The following MED13L variants were observed in gnomAD, a reference collection of about 807,000 sequenced individuals.
The protein encoded by MED13L is mediator of RNA polymerase II transcription subunit 13-like.
Under a neutral mutation model 220.9 loss-of-function variants are expected in MED13L, and 7 were observed. The ratio of observed to expected loss-of-function variants is 0.03; its 90% CI spans 0.02 to 0.06. The LOEUF (loss-of-function observed/expected upper bound fraction) is 0.06. Among genes scored for constraint, MED13L ranks in the 10% least tolerant of loss-of-function variants. The pLI, the probability that MED13L is intolerant of heterozygous loss-of-function variation, is 1.00. For synonymous variants in MED13L, 1,011 were observed against 1,015.2 expected, an observed-to-expected ratio of 1.00 and a Z score of 0.08; for missense variants, 1,965 against 2,760.5, an observed-to-expected ratio of 0.71 and a Z score of 6.46.
intron 2 of MED13L, among the ~76,000 whole-genome samples, chr12:116,230,927 A>G (rs1869496897): frequency 6.6e-6 from 1 of 152,222 alleles, no homozygotes; most frequent in African/African-American, 2.4e-5. Context: ...ATGATTTTGG[A>G]AAATTCAATG....
At chr12:115,995,888 G>C (rs1467523567) in intron 16 of MED13L, among the ~76,000 whole-genome samples, 1 of 152,160 alleles carries the variant, frequency 6.6e-6, no homozygotes, top group African/African-American at 2.4e-5. Flanking sequence ...TCAAAGTACA[G>C]CATGTCCTGA....
chr12:115,980,719 T>C (rs1355841773), intron 23 of MED13L, 31 bp downstream of exon 23: 1 of 1,610,998 alleles, frequency 6.2e-7, no homozygotes, highest in African/African-American at 1.3e-5. Flanking sequence ...TTAGTATAAA[T>C]TTTCTAAGTT....
intron 2 of MED13L, among the ~76,000 whole-genome samples, chr12:116,131,485 T>C (rs1303112130): frequency 6.6e-6 from 1 of 152,174 alleles, no homozygotes; most frequent in Non-Finnish European, 1.5e-5. Flanking sequence ...GTACAAATGA[T>C]ACTAAAGGTA....
Position 116,008,775 on chromosome 12 carries a change from A to G in MED13L, c.1638T>C (p.Asp546=). Residue 546 remains aspartate (D), a synonymous_variant, in exon 10 of 31, where the codon GAT becomes GAC. Transcript: ENST00000281928. The stretch of plus-strand genomic sequence containing the variant: ...GAGGGGATATAGGGGAATGAGGTGA[A>G]TCCATAGGATTCAGATTCATTTGCT... The part of the protein sequence containing the change: ...TSKQMNLNPM[D]SPHSPISPLP... 1.9e-6 allele frequency: 3 copies of G among 1,613,974 alleles called. No homozygotes were observed. Among genetic ancestry groups the G allele is most frequent in the Non-Finnish European group, 2.5e-6 (3 of 1,179,976 alleles).
At chr12:116,183,608 C>G (rs1316733985) in intron 2 of MED13L, among the ~76,000 whole-genome samples, 1 of 152,092 alleles carries the variant, frequency 6.6e-6, no homozygotes, top group Non-Finnish European at 1.5e-5. Flanking sequence ...AACTTTGTAT[C>G]ACAAGCAAAA....
chr12:116,035,944 T>C (rs985482778), intron 4 of MED13L, among the ~76,000 whole-genome samples: 3 of 152,208 alleles, frequency 2.0e-5, no homozygotes, highest in Non-Finnish European at 2.9e-5. Flanking sequence ...TCTCTCACTA[T>C]TTTAATTTAT....
intron 4 of MED13L, among the ~76,000 whole-genome samples, chr12:116,084,256 T>G (rs1272912448): frequency 6.6e-6 from 1 of 152,202 alleles, no homozygotes; most frequent in Non-Finnish European, 1.5e-5. Flanking sequence ...TAACTTACCT[T>G]TTTGAACCTA....
In MED13L at chr12:116,277,496, C is replaced by CCGGAGCCGCCGCCGCCGCCT. The variant is rs1257504871; in HGVS notation, c.-385_-366dup. Among the ~76,000 whole-genome samples, 5 of 148,810 alleles carry CCGGAGCCGCCGCCGCCGCCT rather than the reference C, an allele frequency of 3.4e-5. 1 individual carries two copies. The highest frequency in any genetic ancestry group is 4.2e-4 in the South Asian group (2 of 4,784). On this transcript the variant is annotated 5_prime_UTR_variant, in exon 1 of 31. Transcript: ENST00000281928. ...GCCGGCGCGCGAGGGGAGGCGAGCC[C>CCGGAGCCGCCGCCGCCGCCT]CGGAGCCGCCGCCGCCGCCTCGGAG... is the stretch of plus-strand genomic sequence containing the variant.
At chr12:116,126,078 G>A (rs1394811597) in intron 2 of MED13L, among the ~76,000 whole-genome samples, 1 of 152,144 alleles carries the variant, frequency 6.6e-6, no homozygotes, top group East Asian at 1.9e-4. Flanking sequence ...AGGAAAAGTT[G>A]TCATTATCCA....
chr12:115,961,552 C>G (rs1174688345), intron 30 of MED13L, 154 bp from the exon 31 acceptor site: 2 of 1,068,230 alleles, frequency 1.9e-6, no homozygotes, highest in Non-Finnish European at 2.8e-6. Flanking sequence ...GTCTCATGTT[C>G]CTCCTTCCTT....
intron 4 of MED13L, among the ~76,000 whole-genome samples, chr12:116,084,182 GCAC>G (rs1434570428): frequency 1.3e-5 from 2 of 152,144 alleles, no homozygotes; most frequent in African/African-American, 4.8e-5. Flanking sequence ...GGTATTTTTA[GCAC>G]CACGTGTTTC....
At chr12:116,106,894 T>A (rs1190009828) in intron 3 of MED13L, among the ~76,000 whole-genome samples, 1 of 151,474 alleles carries the variant, frequency 6.6e-6, no homozygotes, top group Non-Finnish European at 1.5e-5. Context: ...AGGGATTCCA[T>A]GATTAGCTGG....
intron 1 of MED13L, among the ~76,000 whole-genome samples, chr12:116,239,539 T>C (rs1278463368): frequency 6.6e-6 from 1 of 152,270 alleles, no homozygotes; most frequent in Non-Finnish European, 1.5e-5. Flanking sequence ...AATCTTTGCA[T>C]AATATTCTAT....
chr12:116,116,898 C>T (rs1163327391), intron 2 of MED13L, among the ~76,000 whole-genome samples: 1 of 149,982 alleles, frequency 6.7e-6, no homozygotes, highest in Non-Finnish European at 1.5e-5. Flanking sequence ...TCCCTAGAAC[C>T]TTACATCCTT....
chr12:116,241,162 CG>C (rs1481779128), intron 1 of MED13L, among the ~76,000 whole-genome samples: 1 of 151,342 alleles, frequency 6.6e-6, no homozygotes, highest in East Asian at 2.0e-4. Flanking sequence ...CAAAAATTAG[CG>C]GGGCGTGGTG....
At chr12:116,056,368 C>T (rs751283747) in intron 4 of MED13L, among the ~76,000 whole-genome samples, 14 of 151,934 alleles carry the variant, frequency 9.2e-5, no homozygotes, top group Non-Finnish European at 1.6e-4. Flanking sequence ...GCCTCAACCT[C>T]CTGGGCTCAG....
intron 1 of MED13L, among the ~76,000 whole-genome samples, chr12:116,244,861 C>T (rs1870968210): frequency 6.6e-6 from 1 of 152,204 alleles, no homozygotes; most frequent in Middle Eastern, 3.4e-3. Flanking sequence ...CTAAAGTGAG[C>T]GGGTCTCTTG....
intron 11 of MED13L, chr12:116,007,107 A>G (rs1879096283): frequency 2.5e-6 from 1 of 393,754 alleles, no homozygotes; most frequent in Non-Finnish European, 4.7e-6. Context: ...TAATATTTTA[A>G]AAGAAATAGG....
chr12:116,035,465 T>C (rs990460319), intron 4 of MED13L, among the ~76,000 whole-genome samples: 1 of 152,190 alleles, frequency 6.6e-6, no homozygotes, highest in African/African-American at 2.4e-5. Flanking sequence ...GGTAGCAGGA[T>C]ACATTTTCCT....
Sources: gnomAD v4.1 joint callset for allele counts (sites outside exome capture counted in the v4.1 genomes callset) on GRCh38, gnomAD v4.1.1 for gene constraint, MANE v1.5 for transcripts, NCBI Gene and HGNC (gene_info 2026-07-23, HGNC 2026-07-21) for gene names.